RYR3: variants seen among roughly 807,000 people sequenced by gnomAD.
RYR3 encodes the protein brain ryanodine receptor-calcium release channel.
A neutral mutation model predicts 584.3 loss-of-function variants in RYR3; 207 were observed. That is an observed-to-expected ratio of 0.35 (90% CI 0.32 to 0.40). The LOEUF (loss-of-function observed/expected upper bound fraction) is 0.40, where lower values mean the gene tolerates loss of function less well. Among genes scored for constraint, RYR3 ranks in the 10% least tolerant of loss-of-function variants. The pLI is 1.00. For synonymous variants in RYR3, 2,416 were observed against 2,248.5 expected (o/e 1.07, Z -2.11); for missense variants, 5,616 against 6,089.2 (o/e 0.92, Z 2.59).
intron 27 of RYR3, among the ~76,000 whole-genome samples, chr15:33,637,906 C>G (rs149048487): frequency 7.4e-4 from 113 of 152,206 alleles, no homozygotes; most frequent in Non-Finnish European, 1.4e-3. Flanking sequence ...CACCCATTAA[C>G]TCATCATTTA....
chr15:33,550,069 T>C, intron 9 of RYR3, 91 bp from the exon 10 acceptor site: 2 of 1,335,318 alleles, frequency 1.5e-6, no homozygotes, highest in Non-Finnish European at 2.0e-6. Flanking sequence ...GGGTTATAAG[T>C]CTGCTAGCAT....
intron 33 of RYR3, 58 bp from the exon 34 acceptor site, chr15:33,660,139 G>C (rs1232035330): frequency 8.4e-7 from 1 of 1,193,200 alleles, no homozygotes; most frequent in Admixed American, 2.0e-5. Context: ...TAAAATGTCT[G>C]GGTGCGTCAT....
intron 102 of RYR3, among the ~76,000 whole-genome samples, chr15:33,863,834 T>C (rs1889432451): frequency 6.6e-6 from 1 of 152,200 alleles, no homozygotes; most frequent in African/African-American, 2.4e-5. Flanking sequence ...TTTTATTGTT[T>C]TATTAGAATT....
chr15:33,617,604 A>G (rs2060518047), intron 19 of RYR3, among the ~76,000 whole-genome samples: 1 of 152,090 alleles, frequency 6.6e-6, no homozygotes, highest in Non-Finnish European at 1.5e-5. Context: ...TAACTTCCGT[A>G]TGGCTTCTAA....
chr15:33,827,312 G>A (rs1236160998), intron 85 of RYR3, 25 bp downstream of exon 85: 1 of 1,538,036 alleles, frequency 6.5e-7, no homozygotes, highest in Non-Finnish European at 8.8e-7. Context: ...CTTGGACAAT[G>A]GGACCTCTCA....
At chr15:33,468,785 A>G (rs2048688052) in intron 1 of RYR3, among the ~76,000 whole-genome samples, 1 of 152,198 alleles carries the variant, frequency 6.6e-6, no homozygotes, top group African/African-American at 2.4e-5. Context: ...ATAGGCAGAA[A>G]TGTGAATCAG....
intron 1 of RYR3, among the ~76,000 whole-genome samples, chr15:33,373,618 A>G (rs979445306): frequency 6.6e-6 from 1 of 152,150 alleles, no homozygotes; most frequent in Admixed American, 6.5e-5. Flanking sequence ...AGATTTTAAA[A>G]ATTGTTTGTT....
intron 3 of RYR3, among the ~76,000 whole-genome samples, chr15:33,517,791 C>T (rs919316396): frequency 5.9e-5 from 9 of 152,132 alleles, no homozygotes; most frequent in African/African-American, 1.9e-4. Flanking sequence ...TTATTACCCC[C>T]ACTATGACCC....
intron 2 of RYR3, among the ~76,000 whole-genome samples, chr15:33,485,107 A>C (rs956467245): frequency 3.3e-5 from 5 of 152,224 alleles, no homozygotes; most frequent in Admixed American, 6.5e-5. Context: ...TGTGTCATAG[A>C]AGTCACAGAA....
chr15:33,827,870 G>A (rs150524695), intron 85 of RYR3, among the ~76,000 whole-genome samples: 179 of 152,296 alleles, frequency 1.2e-3, no homozygotes, highest in African/African-American at 4.1e-3. Context: ...AAAGGGGTAG[G>A]ACCTATGCCA....
chr15:33,495,606 A>G (rs944304502), intron 2 of RYR3, among the ~76,000 whole-genome samples: 3 of 152,308 alleles, frequency 2.0e-5, no homozygotes, highest in African/African-American at 7.2e-5. Context: ...CTACTTGCCC[A>G]TATAAGTTTT....
At chr15:33,740,404 G>A (rs141590107) in intron 51 of RYR3, among the ~76,000 whole-genome samples, 184 of 152,308 alleles carry the variant, frequency 1.2e-3, no homozygotes, top group African/African-American at 4.1e-3. Context: ...ACACTCAGCT[G>A]TGTCCTGGCA....
intron 1 of RYR3, among the ~76,000 whole-genome samples, chr15:33,384,471 ATAT>A (rs202175568): frequency 0.13 from 14,937 of 116,208 alleles, 889 homozygotes; most frequent in Middle Eastern, 0.25. Context: ...TTATATTATA[ATAT>A]TATATTTTAT....
At chr15:33,861,257 C>A in intron 102 of RYR3, 79 bp downstream of exon 102, 3 of 1,072,050 alleles carry the variant, frequency 2.8e-6, no homozygotes, top group Non-Finnish European at 4.1e-6. Context: ...TCAGTCTCTG[C>A]TGGAAAAAGA....
Position 33,837,735 on chromosome 15 carries a change from C to A in RYR3, c.11755C>A (p.Leu3919Ile). The A allele has an allele frequency of 6.2e-7, 1 of 1,613,428 alleles. No individual in the cohort carries two copies. The highest frequency in any genetic ancestry group is 8.5e-7 in the Non-Finnish European group (1 of 1,179,630). Residue 3919 changes from leucine to isoleucine, a missense_variant, in exon 89 of 104, where the codon CTT becomes ATT. Coordinates refer to ENST00000634891, the MANE Select transcript of RYR3 (RefSeq NM_001036.6). ...GAAATTCTTTGACATGTTCTTGAAA[C>A]TTAAAGACTTAACCAGCTCAGACAC... is the stretch of plus-strand genomic sequence containing the variant. ...ILKFFDMFLK[L>I]KDLTSSDTFK... is the part of the protein sequence containing the mutation.
At chr15:33,484,892 G>A (rs1057201219) in intron 2 of RYR3, among the ~76,000 whole-genome samples, 1 of 152,202 alleles carries the variant, frequency 6.6e-6, no homozygotes, top group African/African-American at 2.4e-5. Context: ...GTTCAAAAGA[G>A]AGGTTGGGAT....
chr15:33,506,302 A>G (rs1226725886), intron 3 of RYR3, among the ~76,000 whole-genome samples: 1 of 152,230 alleles, frequency 6.6e-6, no homozygotes, highest in Non-Finnish European at 1.5e-5. Context: ...TATATTTCAG[A>G]AGCCATTTAT....
chr15:33,789,774 A>G (rs1389710436), intron 67 of RYR3, among the ~76,000 whole-genome samples: 1 of 128,514 alleles, frequency 7.8e-6, no homozygotes, highest in Non-Finnish European at 1.6e-5. Flanking sequence ...TCCTGGGCTC[A>G]TGCGATTCTC....
At chr15:33,833,932 A>G (rs1010835712) in intron 86 of RYR3, among the ~76,000 whole-genome samples, 4 of 152,142 alleles carry the variant, frequency 2.6e-5, no homozygotes, top group Non-Finnish European at 5.9e-5. Flanking sequence ...GGGTAGAAAA[A>G]AATAGACTGT....
Sources: allele counts gnomAD v4.1 joint callset (sites outside exome capture counted in the v4.1 genomes callset), GRCh38; gene constraint gnomAD v4.1.1; transcripts MANE v1.5; gene names NCBI Gene and HGNC (gene_info 2026-07-23, HGNC 2026-07-21).